Variants in RP1 observed in about 807,000 individuals in gnomAD.
RP1 encodes the protein RP1 axonemal microtubule associated, also known as oxygen-regulated protein 1.
RP1 carries 16 observed loss-of-function variants against 14.8 expected under a neutral mutation model. The ratio of observed to expected loss-of-function variants is 1.08; its 90% CI spans 0.73 to 1.65. RP1 has a LOEUF of 1.65. RP1 is among the 40% of genes most tolerant of loss of function. The pLI is 0.00. For synonymous variants in RP1, 876 were observed against 883.6 expected, an observed-to-expected ratio of 0.99 and a Z score of 0.15; for missense variants, 2,631 against 2,535.0, an observed-to-expected ratio of 1.04 and a Z score of -0.81.
At chr8:54,642,448 C>T (rs1489703849) in intron 3 of RP1, among the ~76,000 whole-genome samples, 1 of 152,042 alleles carries the variant, frequency 6.6e-6, no homozygotes, top group African/African-American at 2.4e-5. Context: ...TATCTTAAGG[C>T]GTTTTTTCTA....
chr8:54,595,852 T>G (rs2129302579), intron 1 of RP1, among the ~76,000 whole-genome samples: 1 of 152,348 alleles, frequency 6.6e-6, no homozygotes, highest in East Asian at 1.9e-4. Context: ...TCTTACAGTA[T>G]TTCAAACACT....
chr8:54,850,887 G>A (rs1160027410), intron 25 of RP1, among the ~76,000 whole-genome samples: 2 of 152,146 alleles, frequency 1.3e-5, no homozygotes, highest in Admixed American at 6.5e-5. Context: ...TTCTCCAGGT[G>A]GGGTGGGTGG....
intron 1 of RP1, among the ~76,000 whole-genome samples, chr8:54,570,397 C>T (rs1233019876): frequency 1.3e-5 from 2 of 149,262 alleles, no homozygotes; most frequent in African/African-American, 2.5e-5. Flanking sequence ...GGTGTGATCT[C>T]GGCTCACTGC....
At chr8:54,845,890 C>T (rs1275091497) in intron 25 of RP1, among the ~76,000 whole-genome samples, 1 of 152,178 alleles carries the variant, frequency 6.6e-6, no homozygotes. Flanking sequence ...GTGGCCCTTC[C>T]TCCTGAAACA....
chr8:54,783,623 C>A, exon 24 of RP1: 1 of 1,231,272 alleles, frequency 8.1e-7, no homozygotes, highest in Non-Finnish European at 1.0e-6. Flanking sequence ...TCCTTTATGT[C>A]TATGGAGAAA....
At chr8:54,756,989 G>C (rs1274228095) in intron 21 of RP1, among the ~76,000 whole-genome samples, 1 of 152,206 alleles carries the variant, frequency 6.6e-6, no homozygotes, top group East Asian at 1.9e-4. Flanking sequence ...ATAAAGAAGA[G>C]TACAGTGAGG....
chr8:54,686,617 C>T (rs965291381), intron 12 of RP1, among the ~76,000 whole-genome samples: 2 of 152,052 alleles, frequency 1.3e-5, no homozygotes, highest in African/African-American at 4.8e-5. Context: ...AGAAACAATA[C>T]TGTAACAACA....
At chr8:54,663,793 T>A (rs983094735) in exon 7 of RP1, 4 of 1,535,124 alleles carry the variant, frequency 2.6e-6, no homozygotes, top group Non-Finnish European at 2.6e-6. Flanking sequence ...AAAAGGGAGA[T>A]ACAGGATCCA....
chr8:54,712,648 C>T (rs1808319023), intron 15 of RP1, among the ~76,000 whole-genome samples: 1 of 152,178 alleles, frequency 6.6e-6, no homozygotes, highest in South Asian at 2.1e-4. Context: ...GAAAACTCCT[C>T]ATTTATGTTT....
intron 5 of RP1, among the ~76,000 whole-genome samples, chr8:54,653,454 A>C (rs1316579423): frequency 6.6e-6 from 1 of 152,226 alleles, no homozygotes; most frequent in Admixed American, 6.5e-5. Flanking sequence ...GTCATTTCAA[A>C]ATAAATGCTC....
chr8:54,695,030 C>T (rs1248233935), intron 12 of RP1, among the ~76,000 whole-genome samples: 2 of 151,984 alleles, frequency 1.3e-5, no homozygotes, highest in South Asian at 2.1e-4. Context: ...TCTTTGTTCT[C>T]GTTGGTTTCA....
exon 23 of RP1, chr8:54,769,912 T>C (rs1219346090): frequency 3.0e-6 from 2 of 675,216 alleles, no homozygotes; most frequent in Non-Finnish European, 4.8e-6. Flanking sequence ...TTGATATTTA[T>C]CTTTTATTAT....
intron 12 of RP1, among the ~76,000 whole-genome samples, chr8:54,690,032 T>C (rs1807672732): frequency 6.6e-6 from 1 of 152,092 alleles, no homozygotes; most frequent in Non-Finnish European, 1.5e-5. Flanking sequence ...GTATGGTGTG[T>C]TGAAGAGGGT....
chr8:54,592,665 T>A (rs1216891761), intron 1 of RP1, among the ~76,000 whole-genome samples: 1 of 152,152 alleles, frequency 6.6e-6, no homozygotes, highest in Non-Finnish European at 1.5e-5. Context: ...GGGGCTTATT[T>A]TTCTTATATA....
intron 1 of RP1, among the ~76,000 whole-genome samples, chr8:54,576,245 C>T: frequency 6.6e-6 from 1 of 152,068 alleles, no homozygotes; most frequent in Non-Finnish European, 1.5e-5. Flanking sequence ...AGGGTTTCAC[C>T]ATGTTAGCCA....
In RP1 at chr8:54,656,160, TG is replaced by T; in HGVS notation, c.1120del (p.Glu374LysfsTer9). On this transcript the variant is annotated frameshift_variant, in exon 6 of 23. Coordinates refer to the RP1 transcript ENST00000636932. LOFTEE classifies it high-confidence loss of function. Reference sequence around the variant, plus strand: ...GATGGTTGGCACGAGATCAAGAGGATGGGGAAATCTGTCGAGAATTTCCTCT... The same window carrying T: ...GATGGTTGGCACGAGATCAAGAGGATGGGAAATCTGTCGAGAATTTCCTCT... 6.5e-7 allele frequency: 1 copy of T among 1,535,708 alleles called. No individual in the cohort carries two copies. The highest frequency in any genetic ancestry group is 8.7e-7 in the Non-Finnish European group (1 of 1,146,732).
At chr8:54,681,998 G>C (rs552591197) in intron 12 of RP1, among the ~76,000 whole-genome samples, 4 of 152,202 alleles carry the variant, frequency 2.6e-5, no homozygotes, top group Non-Finnish European at 4.4e-5. Context: ...GTGCTGCAGT[G>C]AACGTACGCA....
chr8:54,729,404 A>G (rs1808737551), intron 17 of RP1, among the ~76,000 whole-genome samples: 1 of 152,202 alleles, frequency 6.6e-6, no homozygotes, highest in African/African-American at 2.4e-5. Flanking sequence ...TTAGGTGCCA[A>G]TACTTTAAAA....
intron 8 of RP1, among the ~76,000 whole-genome samples, chr8:54,674,717 A>G (rs1807256458): frequency 6.9e-6 from 1 of 144,250 alleles, no homozygotes; most frequent in Admixed American, 6.8e-5. Context: ...TAAAAAATAT[A>G]TACTTATAAT....
Sources: allele counts gnomAD v4.1 joint callset (sites outside exome capture counted in the v4.1 genomes callset), GRCh38; gene constraint gnomAD v4.1.1; transcripts MANE v1.5; gene names NCBI Gene and HGNC (gene_info 2026-07-23, HGNC 2026-07-21).